Variants in ING4 observed in about 807,000 individuals in gnomAD.
The protein encoded by ING4 is inhibitor of growth family member 4, also known as inhibitor of growth protein 4.
ING4 carries 28 observed loss-of-function variants against 33.1 expected under a neutral mutation model. That is an observed-to-expected ratio of 0.85 (90% CI 0.63 to 1.16). ING4 has a LOEUF of 1.16. Among genes scored for constraint, ING4 ranks in the 50% most tolerant of loss-of-function variants. The pLI is 0.00. For synonymous variants in ING4, 87 were observed against 104.4 expected, an observed-to-expected ratio of 0.83 and a Z score of 1.02; for missense variants, 247 against 314.7, an observed-to-expected ratio of 0.78 and a Z score of 1.63.
Position 6,656,809 on chromosome 12 carries a change from G to A in ING4, c.38-11C>T, listed in dbSNP as rs1187302662. The A allele has an allele frequency of 4.6e-6, 7 of 1,522,576 alleles. No individual in the cohort carries two copies. The highest frequency in any genetic ancestry group is 5.3e-6 in the Non-Finnish European group (6 of 1,125,794). The allele number at this position is 1,522,576 out of a possible 1,614,324, so 94.3% of individuals were successfully genotyped here. A position where few individuals can be genotyped will look rare whatever the true frequency, so the allele number is the denominator to read the frequency against. On this transcript the variant is annotated splice_polypyrimidine_tract_variant and intron_variant, in intron 1 of 7. Coordinates refer to ENST00000341550, the MANE Select transcript of ING4 (RefSeq NM_016162.4). The stretch of plus-strand genomic sequence containing the variant: ...GAAGGTTTTCAATACCTAGGGAAGA[G>A]AGAGAAACAATCACAGGACTGACTA...
intron 5 of ING4, 113 bp downstream of exon 5, chr12:6,652,549 G>T: frequency 7.3e-7 from 1 of 1,373,332 alleles, no homozygotes; most frequent in Non-Finnish European, 1.0e-6. Flanking sequence ...AAAATGATAA[G>T]AAGAGTTCTT....
At chr12:6,661,638 G>T (rs954529716) in intron 1 of ING4, among the ~76,000 whole-genome samples, 11 of 150,904 alleles carry the variant, frequency 7.3e-5, no homozygotes, top group African/African-American at 2.4e-4. Context: ...GTTGGACAGG[G>T]TGATCTCAAA....
chr12:6,656,381 G>A, intron 2 of ING4: 1 of 246,174 alleles, frequency 4.1e-6, no homozygotes, highest in South Asian at 4.4e-5. Flanking sequence ...TCACCATGTG[G>A]CCAGGCTGAT....
At chr12:6,655,977 T>C (rs999805784) in intron 2 of ING4, 4 of 450,676 alleles carry the variant, frequency 8.9e-6, no homozygotes, top group Non-Finnish European at 1.8e-5. Flanking sequence ...TTCCTCTTTC[T>C]TTTTTCTTTC....
intron 2 of ING4, chr12:6,655,882 A>T (rs1051266395): frequency 2.2e-6 from 1 of 456,208 alleles, no homozygotes; most frequent in Non-Finnish European, 4.4e-6. Context: ...AATTTGCTCA[A>T]TGTTCCAGGC....
At chr12:6,653,442 A>AATTTTGTATTTTTAGTAGACACAG in intron 2 of ING4, 46 bp from the exon 3 acceptor site, 2 of 1,562,126 alleles carry the variant, frequency 1.3e-6, no homozygotes, top group Non-Finnish European at 1.7e-6. Context: ...CTGAGTGGCT[A>AATTTTGTATTTTTAGTAGACACAG]GGTGAAACAC....
chr12:6,656,706 A>C lies in ING4; in HGVS notation c.109+21T>G, dbSNP rs747644839. Reference sequence around the variant, plus strand: ...ATTACACACACTCATTAGATACAAAAACTTTTTACTCTATACATACCCTCT... The same window carrying C: ...ATTACACACACTCATTAGATACAAACACTTTTTACTCTATACATACCCTCT... On this transcript the variant is annotated intron_variant, in intron 2 of 7. Transcript: ENST00000341550. The C allele has an allele frequency of 4.1e-6, 6 of 1,446,338 alleles. No individual in the cohort carries two copies. In the East Asian group the frequency reaches 9.7e-5, roughly 23 times the overall value. 89.6% of individuals were successfully genotyped at this position (1,446,338 alleles called of 1,614,324 possible).
At chr12:6,655,164 C>A (rs575206253) in intron 2 of ING4, among the ~76,000 whole-genome samples, 7 of 152,314 alleles carry the variant, frequency 4.6e-5, no homozygotes, top group Non-Finnish European at 7.3e-5. Flanking sequence ...CTGCATCAGC[C>A]TCCTGAGTAG....
chr12:6,662,928 C>T (rs1949605081), intron 1 of ING4, 137 bp downstream of exon 1: 1 of 924,122 alleles, frequency 1.1e-6, no homozygotes, highest in Non-Finnish European at 1.7e-6. Context: ...TTCTCCGCAC[C>T]CTCCAATATT....
At chr12:6,652,553 A>C in intron 5 of ING4, 109 bp downstream of exon 5, 1 of 1,368,980 alleles carries the variant, frequency 7.3e-7, no homozygotes, top group Non-Finnish European at 1.0e-6. Context: ...TGATAAGAAG[A>C]GTTCTTGGCG....
chr12:6,657,626 C>A (rs1260951476), intron 1 of ING4, among the ~76,000 whole-genome samples: 1 of 151,850 alleles, frequency 6.6e-6, no homozygotes, highest in East Asian at 2.0e-4. Flanking sequence ...CTTCAGTGAC[C>A]TTCCTTTATA....
intron 2 of ING4, among the ~76,000 whole-genome samples, chr12:6,653,749 C>G (rs1949259342): frequency 6.6e-6 from 1 of 152,314 alleles, no homozygotes; most frequent in East Asian, 1.9e-4. Context: ...TCTCAAAAGC[C>G]ATTGTTTCCT....
intron 1 of ING4, among the ~76,000 whole-genome samples, chr12:6,660,804 C>A (rs1949522673): frequency 6.6e-6 from 1 of 151,960 alleles, no homozygotes; most frequent in Non-Finnish European, 1.5e-5. Flanking sequence ...GATCTTTTCT[C>A]CGCTGAGTAA....
At chr12:6,661,673 G>A (rs1366750372) in intron 1 of ING4, among the ~76,000 whole-genome samples, 4 of 151,256 alleles carry the variant, frequency 2.6e-5, no homozygotes, top group African/African-American at 9.7e-5. Flanking sequence ...TGATCTGCCC[G>A]CCTTGGCCTC....
rs1365241836 is a variant in ING4 at position 6,651,394 on chromosome 12, G to C, written c.646-9C>G. 1.2e-6 allele frequency: 2 copies of C among 1,613,728 alleles called. No individual in the cohort carries two copies. The highest frequency in any genetic ancestry group is 1.7e-5 in the Admixed American group (1 of 60,020). Reference sequence around the variant, plus strand: ...AACCACTCAATGGAACACTGGAAGAGGAAGAAAGAAGTAGTCAGGGGCCAG... The same window carrying C: ...AACCACTCAATGGAACACTGGAAGACGAAGAAAGAAGTAGTCAGGGGCCAG... On this transcript the variant is annotated splice_polypyrimidine_tract_variant and intron_variant, in intron 6 of 7. Transcript: ENST00000341550.
chr12:6,659,296 C>T (rs1175234794), intron 1 of ING4, among the ~76,000 whole-genome samples: 1 of 152,152 alleles, frequency 6.6e-6, no homozygotes, highest in East Asian at 1.9e-4. Context: ...TGGCTCATGC[C>T]TGTAATTCTA....
Position 6,652,742 on chromosome 12 carries a change from A to T in ING4, c.417T>A (p.Ala139=). Residue 139 remains alanine, a synonymous_variant, in exon 5 of 8, where the codon GCT becomes GCA. Coordinates refer to ENST00000341550, the MANE Select transcript of ING4 (RefSeq NM_016162.4). ...TTTTCCCTTTGGAACGAGCACGAGC[A>T]GCTTTCTTCTCCTTTTGAGTCCGGC... is the stretch of plus-strand genomic sequence containing the variant. ...KKSRTQKEKK[A]ARARSKGKNS... is the part of the protein sequence containing the mutation. 6.2e-7 allele frequency: 1 copy of T among 1,614,124 alleles called. No homozygotes were observed. Among genetic ancestry groups the T allele is most frequent in the Non-Finnish European group, 8.5e-7 (1 of 1,180,006 alleles).
intron 1 of ING4, among the ~76,000 whole-genome samples, chr12:6,661,386 G>A (rs943517927): frequency 1.3e-5 from 2 of 148,180 alleles, no homozygotes; most frequent in South Asian, 2.1e-4. Flanking sequence ...ATGAGCCACC[G>A]TGCCTGGCCA....
chr12:6,656,735 C>G lies in ING4; in HGVS notation c.101G>C (p.Arg34Thr). 6.4e-7 allele frequency: 1 copy of G among 1,567,050 alleles called. No homozygotes were observed. Among genetic ancestry groups the G allele is most frequent in the Non-Finnish European group, 8.6e-7 (1 of 1,158,750 alleles). The change falls in exon 2 of 8, where the codon AGA (arginine) becomes ACA (threonine). Residue 34 changes from arginine (R) to threonine (T), a missense_variant. Coordinates refer to ENST00000341550, the MANE Select transcript of ING4 (RefSeq NM_016162.4). Reference sequence around the variant, plus strand: ...TTTTACTCTATACATACCCTCTGTTCTTTGGTCTAGGTCCCTCATGAGCTG... The same window carrying G: ...TTTTACTCTATACATACCCTCTGTTGTTTGGTCTAGGTCCCTCATGAGCTG... ...NFQLMRDLDQ[R>T]TEDLKAEIDK...
Sources: gnomAD v4.1 joint callset for allele counts (sites outside exome capture counted in the v4.1 genomes callset) on GRCh38, gnomAD v4.1.1 for gene constraint, MANE v1.5 for transcripts, NCBI Gene and HGNC (gene_info 2026-07-23, HGNC 2026-07-21) for gene names.